EFNA5: variants seen among roughly 807,000 people sequenced by gnomAD.
The protein encoded by EFNA5 is ephrin-A5.
A neutral mutation model predicts 22.9 loss-of-function variants in EFNA5; 5 were observed. The observed-to-expected ratio is 0.22, with a 90% confidence interval of 0.11 to 0.46. The LOEUF (loss-of-function observed/expected upper bound fraction) is 0.46. EFNA5 is among the 20% of genes least tolerant of loss of function. EFNA5 has a pLI of 0.99. For synonymous variants in EFNA5, 113 were observed against 112.2 expected (o/e 1.01, Z -0.04); for missense variants, 237 against 293.3 (o/e 0.81, Z 1.40).
At chr5:107,476,933 T>C (rs1191446251) in intron 1 of EFNA5, among the ~76,000 whole-genome samples, 3 of 152,110 alleles carry the variant, frequency 2.0e-5, no homozygotes, top group Non-Finnish European at 2.9e-5. Flanking sequence ...AAGCCAGACA[T>C]AAAGTGGACA....
intron 2 of EFNA5, among the ~76,000 whole-genome samples, chr5:107,398,694 A>AT (rs1007566050): frequency 7.4e-5 from 11 of 149,226 alleles, no homozygotes; most frequent in East Asian, 5.9e-4. Flanking sequence ...ATAAAAAAAA[A>AT]TTTTTTTTTT....
chr5:107,478,114 C>T (rs552275161), intron 1 of EFNA5, among the ~76,000 whole-genome samples: 28 of 152,174 alleles, frequency 1.8e-4, no homozygotes, highest in African/African-American at 6.5e-4. Flanking sequence ...CCTAATAATC[C>T]ACATGTACCT....
At chr5:107,635,062 T>C (rs1297780400) in intron 1 of EFNA5, among the ~76,000 whole-genome samples, 1 of 152,204 alleles carries the variant, frequency 6.6e-6, no homozygotes, top group African/African-American at 2.4e-5. Flanking sequence ...CATTTCTAAA[T>C]GCAAATTGAT....
chr5:107,656,543 T>G (rs1172410666), intron 1 of EFNA5, among the ~76,000 whole-genome samples: 2 of 152,084 alleles, frequency 1.3e-5, no homozygotes, highest in Non-Finnish European at 2.9e-5. Context: ...TCTATGCAAC[T>G]TACCAGAATA....
At chr5:107,437,739 CAGA>C (rs1004121585) in intron 1 of EFNA5, among the ~76,000 whole-genome samples, 69 of 152,246 alleles carry the variant, frequency 4.5e-4, no homozygotes, top group African/African-American at 1.6e-3. Context: ...TGCTTAAAAA[CAGA>C]AGAACTGTGT....
At chr5:107,584,340 G>A (rs1749131661) in intron 1 of EFNA5, among the ~76,000 whole-genome samples, 1 of 152,150 alleles carries the variant, frequency 6.6e-6, no homozygotes, top group Non-Finnish European at 1.5e-5. Flanking sequence ...CGCCAAGGAG[G>A]CAAACTCACT....
chr5:107,440,784 C>T (rs1032631418), intron 1 of EFNA5, among the ~76,000 whole-genome samples: 4 of 152,116 alleles, frequency 2.6e-5, no homozygotes, highest in African/African-American at 9.7e-5. Flanking sequence ...AAAAACAACA[C>T]AGGATTTACA....
At chr5:107,530,300 T>TTAAA in intron 1 of EFNA5, among the ~76,000 whole-genome samples, 1 of 152,234 alleles carries the variant, frequency 6.6e-6, no homozygotes, top group Admixed American at 6.5e-5. Context: ...AAGCACATAC[T>TTAAA]GCTTCTTAAA....
chr5:107,425,650 C>A (rs964090844), intron 2 of EFNA5, among the ~76,000 whole-genome samples: 2 of 152,150 alleles, frequency 1.3e-5, no homozygotes, highest in East Asian at 3.9e-4. Flanking sequence ...AAGGCTTTTG[C>A]ATGTTTTCTC....
chr5:107,593,720 T>C (rs575469145), intron 1 of EFNA5, among the ~76,000 whole-genome samples: 3 of 151,902 alleles, frequency 2.0e-5, no homozygotes, highest in Admixed American at 6.6e-5. Flanking sequence ...AAAAAGGAAA[T>C]AGAACCAGAA....
intron 1 of EFNA5, among the ~76,000 whole-genome samples, chr5:107,529,195 T>C (rs1448610595): frequency 1.3e-5 from 2 of 152,170 alleles, no homozygotes; most frequent in Non-Finnish European, 2.9e-5. Flanking sequence ...GATAAATGGT[T>C]GCTATGATTT....
At chr5:107,483,042 TAATTA>T (rs973757220) in intron 1 of EFNA5, among the ~76,000 whole-genome samples, 3 of 152,106 alleles carry the variant, frequency 2.0e-5, no homozygotes, top group Non-Finnish European at 2.9e-5. Flanking sequence ...TTCGTAGAAC[TAATTA>T]GTTTACAGTG....
intron 1 of EFNA5, among the ~76,000 whole-genome samples, chr5:107,630,843 T>C (rs1750234556): frequency 1.3e-5 from 2 of 152,136 alleles, no homozygotes; most frequent in Admixed American, 1.3e-4. Context: ...ATCAGCTTTT[T>C]CATGAAAATT....
rs76694344 is a variant in EFNA5 at position 107,471,656 on chromosome 5, T to C, written c.126-44147A>G. On this transcript the variant is annotated intron_variant, in intron 1 of 4. Transcript: ENST00000333274. ...ACCGATAATGAACTACTTCTACTAA[T>C]AGGTGAATCCACTTGTAAATTATGG... Among the ~76,000 whole-genome samples the C allele has an allele frequency of 1.0e-3, 158 of 152,308 alleles. No homozygotes were observed. The East Asian group carries it at 0.022, about 22-fold the overall frequency.
intron 2 of EFNA5, among the ~76,000 whole-genome samples, chr5:107,404,032 T>C (rs554073000): frequency 2.6e-5 from 4 of 152,356 alleles, no homozygotes; most frequent in African/African-American, 9.6e-5. Context: ...TTTCAGATGG[T>C]GGATTATAGG....
chr5:107,535,716 T>C (rs1580517767), intron 1 of EFNA5, among the ~76,000 whole-genome samples: 1 of 152,150 alleles, frequency 6.6e-6, no homozygotes, highest in East Asian at 1.9e-4. Flanking sequence ...GTCTGGTTCA[T>C]TTTCTTACTC....
intron 2 of EFNA5, among the ~76,000 whole-genome samples, chr5:107,389,716 G>A (rs1294144917): frequency 7.9e-5 from 12 of 152,148 alleles, no homozygotes; most frequent in African/African-American, 2.4e-4. Context: ...AACAGCAAAC[G>A]ATACGCCTCC....
intron 2 of EFNA5, among the ~76,000 whole-genome samples, chr5:107,410,435 G>T (rs973024040): frequency 6.6e-6 from 1 of 151,972 alleles, no homozygotes; most frequent in Non-Finnish European, 1.5e-5. Flanking sequence ...GATGATGAAT[G>T]GTATTAAAAT....
At chr5:107,542,497 T>C (rs539001862) in intron 1 of EFNA5, among the ~76,000 whole-genome samples, 1 of 150,876 alleles carries the variant, frequency 6.6e-6, no homozygotes, top group East Asian at 2.0e-4. Flanking sequence ...GCCGCCTGCA[T>C]GCAGGCTGCT....
Sources: allele counts gnomAD v4.1 joint callset (sites outside exome capture counted in the v4.1 genomes callset), GRCh38; gene constraint gnomAD v4.1.1; transcripts MANE v1.5; gene names NCBI Gene and HGNC (gene_info 2026-07-23, HGNC 2026-07-21).